FCHO1: variants seen among roughly 807,000 people sequenced by gnomAD.
The protein encoded by FCHO1 is F-BAR domain only protein 1.
Under a neutral mutation model 114.4 loss-of-function variants are expected in FCHO1, and 45 were observed. That is an observed-to-expected ratio of 0.39 (90% CI 0.31 to 0.50). FCHO1 has a LOEUF of 0.50. FCHO1 is among the 20% of genes least tolerant of loss of function. FCHO1 has a pLI of 0.77. For synonymous variants in FCHO1, 480 were observed against 488.9 expected, an observed-to-expected ratio of 0.98 and a Z score of 0.24; for missense variants, 1,042 against 1,209.6, an observed-to-expected ratio of 0.86 and a Z score of 2.06.
chr19:17,772,405 C>G (rs2091831690), intron 9 of FCHO1, 52 bp from the exon 10 acceptor site: 4 of 1,409,824 alleles, frequency 2.8e-6, no homozygotes, highest in Non-Finnish European at 4.0e-6. Context: ...CATATGGCCA[C>G]TTCTTCTTGG....
chr19:17,766,476 T>C (rs759175206), intron 6 of FCHO1, 193 bp from the exon 7 acceptor site: 41 of 635,478 alleles, frequency 6.5e-5, no homozygotes, highest in Admixed American at 1.2e-4. Flanking sequence ...GGAGGAGCTA[T>C]AGAGCTCCCT....
At chr19:17,771,351 G>C (rs1192866026) in intron 9 of FCHO1, among the ~76,000 whole-genome samples, 1 of 145,618 alleles carries the variant, frequency 6.9e-6, no homozygotes, top group East Asian at 2.0e-4. Context: ...AAACCGACAG[G>C]TGTATATAAA....
chr19:17,766,055 A>G (rs1362336712), intron 6 of FCHO1, among the ~76,000 whole-genome samples: 3 of 150,090 alleles, frequency 2.0e-5, no homozygotes, highest in Non-Finnish European at 4.4e-5. Context: ...CGCCCGGCTA[A>G]TTTTTTGTAT....
At chr19:17,782,317 C>T (rs1444132211) in intron 23 of FCHO1, among the ~76,000 whole-genome samples, 1 of 152,196 alleles carries the variant, frequency 6.6e-6, no homozygotes, top group Admixed American at 6.5e-5. Context: ...ATTCTCCTGC[C>T]TCAGCCTCCC....
Position 17,781,223 on chromosome 19 carries a change from G to C in FCHO1, c.1628-8G>C. 1 of 1,599,552 alleles carries C rather than the reference G, an allele frequency of 6.3e-7. No individual in the cohort carries two copies. Among genetic ancestry groups the C allele is most frequent in the Non-Finnish European group, 8.5e-7 (1 of 1,169,724 alleles). ...ATCTCAGCAGTGCCTCTTTGTACTCGCTCCTAGACCTGATGCCTGCACCTG... is the reference window on the plus strand; with the variant it reads ...ATCTCAGCAGTGCCTCTTTGTACTCCCTCCTAGACCTGATGCCTGCACCTG... On this transcript the variant is annotated splice_region_variant and splice_polypyrimidine_tract_variant and intron_variant, in intron 20 of 28. Coordinates refer to ENST00000596536, the MANE Select transcript of FCHO1 (RefSeq NM_015122.3).
intron 4 of FCHO1, among the ~76,000 whole-genome samples, chr19:17,761,138 C>T (rs1168636737): frequency 3.3e-5 from 5 of 152,142 alleles, no homozygotes; most frequent in Non-Finnish European, 7.4e-5. Flanking sequence ...CAGGTAACAG[C>T]AGAATCATTT....
At chr19:17,762,691 C>T (rs2086810726) in intron 4 of FCHO1, 71 bp from the exon 5 acceptor site, 1 of 1,124,236 alleles carries the variant, frequency 8.9e-7, no homozygotes, top group African/African-American at 1.5e-5. Flanking sequence ...GCTCCTTGGC[C>T]ACGCCCCCGT....
intron 6 of FCHO1, 51 bp from the exon 7 acceptor site, chr19:17,766,618 C>T (rs2089272078): frequency 1.2e-6 from 2 of 1,610,050 alleles, no homozygotes; most frequent in Non-Finnish European, 1.7e-6. Context: ...AGCGCTGTCC[C>T]GGGGTGGGGT....
Position 17,766,529 on chromosome 19 carries a change from C to A in FCHO1, c.195-140C>A, listed in dbSNP as rs1021636079. ...TCTGTCACAGGCCCGCCTCTTACAG[C>A]TGCCATGGAGATTATATGAATTAGT... On this transcript the variant is annotated intron_variant, in intron 6 of 28. Transcript: ENST00000596536. 6 of 1,138,648 alleles carry A rather than the reference C, an allele frequency of 5.3e-6. No individual in the cohort carries two copies. The African/African-American group carries it at 7.7e-5, about 15-fold the overall frequency. The allele number at this position is 1,138,648 out of a possible 1,614,324, so 70.5% of individuals were successfully genotyped here.
At chr19:17,780,092 G>A (rs1407486517) in intron 20 of FCHO1, among the ~76,000 whole-genome samples, 1 of 151,954 alleles carries the variant, frequency 6.6e-6, no homozygotes, top group Admixed American at 6.6e-5. Context: ...CATAGGAAAG[G>A]GCCAGGCTGG....
At position 17,775,104 on chromosome 19, in the gene FCHO1, G is replaced by A. The variant is rs770504434; in HGVS notation, c.945+24G>A. ...GGGTGAGTGATGTGGGAGGGGTCAG[G>A]CTGGGCTACAAGTGGAAGGAGTTTG... On this transcript the variant is annotated intron_variant, in intron 14 of 28. Transcript: ENST00000596536. The surrounding 1 kb of genome is among the most constrained non-coding windows in gnomAD (Gnocchi z 5.1). The A allele has an allele frequency of 6.2e-7, 1 of 1,609,028 alleles. No homozygotes were observed.
At position 17,784,232 on chromosome 19, in the gene FCHO1, C is replaced by T. The variant is rs755510995; in HGVS notation, c.2223C>T (p.Tyr741=). 6.2e-7 allele frequency: 1 copy of T among 1,602,532 alleles called. No individual in the cohort carries two copies. The highest frequency in any genetic ancestry group is 2.3e-5 in the East Asian group (1 of 44,278). ...ASYYNVVLLR[Y]QFSRPGPQSV... is the part of the protein sequence containing the mutation. ...ACTACAACGTGGTGCTGCTGCGATA[C>T]CAGGTGCGCCACCCGCATGGGGCCG... The change falls in exon 25 of 29, where the codon TAC becomes TAT. Residue 741 remains tyrosine (Y), a synonymous_variant. Transcript: ENST00000596536. This position sits in a 1 kb window ranked among gnomAD's most constrained non-coding sequence, Gnocchi z 5.3.
At position 17,784,902 on chromosome 19, in the gene FCHO1, C is replaced by G; in HGVS notation, c.2404C>G (p.Arg802Gly). 1 of 1,612,322 alleles carries G rather than the reference C, an allele frequency of 6.2e-7. No individual in the cohort carries two copies. The highest frequency in any genetic ancestry group is 1.7e-5 in the Admixed American group (1 of 60,032). ...TGTGGGGGAGCCTGTGACCAACGTCCGCTTGCAGCCGGCTGCCACCTGGTG... is the reference window on the plus strand; with the variant it reads ...TGTGGGGGAGCCTGTGACCAACGTCGGCTTGCAGCCGGCTGCCACCTGGTG... ...LPVGEPVTNV[R>G]LQPAATWNLE... is the part of the protein sequence containing the mutation. The change falls in exon 26 of 29, where the codon CGC (arginine) becomes GGC (glycine). Residue 802 changes from arginine to glycine, a missense_variant. By Grantham distance (125) the Arg-to-Gly change is moderately radical (BLOSUM62 -2). Coordinates refer to ENST00000596536, the MANE Select transcript of FCHO1 (RefSeq NM_015122.3). This position sits in a 1 kb window ranked among gnomAD's most constrained non-coding sequence, Gnocchi z 5.3.
At chr19:17,761,737 T>G (rs2086324173) in intron 4 of FCHO1, among the ~76,000 whole-genome samples, 2 of 151,614 alleles carry the variant, frequency 1.3e-5, no homozygotes, top group South Asian at 4.2e-4. Context: ...CTCGGCTCAC[T>G]GCAACCTCTG....
upstream of FCHO1, chr19:17,747,916 G>C (rs2080923475): frequency 6.6e-6 from 1 of 152,360 alleles, no homozygotes; most frequent in Non-Finnish European, 1.5e-5. Context: ...GCAAAGGCGC[G>C]GCGGGACGCG....
chr19:17,779,457 G>A (rs992156044), intron 20 of FCHO1, among the ~76,000 whole-genome samples: 45 of 151,904 alleles, frequency 3.0e-4, no homozygotes, highest in Admixed American at 1.3e-4. Context: ...AGGGAGGCAA[G>A]TAGGCGATGG....
chr19:17,758,239 T>C (rs2084574417), intron 4 of FCHO1, among the ~76,000 whole-genome samples: 1 of 151,550 alleles, frequency 6.6e-6, no homozygotes, highest in African/African-American at 2.4e-5. Flanking sequence ...GAAAACGTAT[T>C]CCTGGCGAGC....
In FCHO1 at chr19:17,770,472, G is replaced by A; in HGVS notation, c.384G>A (p.Ser128=). 3.1e-6 allele frequency: 5 copies of A among 1,613,866 alleles called. No homozygotes were observed. The highest frequency in any genetic ancestry group is 1.3e-5 in the African/African-American group (1 of 75,054). The change falls in exon 8 of 29, where the codon TCG becomes TCA. Residue 128 remains serine, a synonymous_variant. Coordinates refer to ENST00000596536, the MANE Select transcript of FCHO1 (RefSeq NM_015122.3). Reference sequence around the variant, plus strand: ...CCTTGGATGCTGTGCAGGTACTCTCGGGCGTCAGCCAGCTCCTGCCCAAGT... The same window carrying A: ...CCTTGGATGCTGTGCAGGTACTCTCAGGCGTCAGCCAGCTCCTGCCCAAGT... ...VSTLDAVQVL[S]GVSQLLPKSR...
intron 4 of FCHO1, among the ~76,000 whole-genome samples, chr19:17,761,392 T>C (rs894542041): frequency 1.4e-5 from 1 of 69,116 alleles, no homozygotes; most frequent in Non-Finnish European, 3.4e-5. Context: ...AGCAACTCAA[T>C]TTAACACACT....
Sources: gnomAD v4.1 joint callset for allele counts (sites outside exome capture counted in the v4.1 genomes callset) on GRCh38, gnomAD v4.1.1 for gene constraint, Gnocchi (gnomAD v3.1) non-coding constraint, MANE v1.5 for transcripts, NCBI Gene and HGNC (gene_info 2026-07-23, HGNC 2026-07-21) for gene names.